Variants in CCDC170 observed in about 807,000 individuals in gnomAD.
CCDC170 encodes the protein coiled-coil domain-containing protein 170.
Under a neutral mutation model 72.6 loss-of-function variants are expected in CCDC170, and 69 were observed. The observed-to-expected ratio is 0.95, with a 90% CI of 0.78 to 1.16. The LOEUF is 1.16. Ranked by LOEUF, CCDC170 falls within the 50% of genes most tolerant of loss-of-function variation. The pLI is 0.00. For synonymous variants in CCDC170, 300 were observed against 303.9 expected, an observed-to-expected ratio of 0.99 and a Z score of 0.13; for missense variants, 852 against 832.5, an observed-to-expected ratio of 1.02 and a Z score of -0.29.
Position 151,496,691 on chromosome 6 carries a change from G to C in CCDC170, c.57+2506G>C, listed in dbSNP as rs547006256. On this transcript the variant is annotated intron_variant, in intron 1 of 10. Transcript: ENST00000239374. Reference sequence around the variant, plus strand: ...AGCAGTGATAGTCTGCAACTTTCTGGAAAAGTAAAATACTGTAGAGACTGA... The same window carrying C: ...AGCAGTGATAGTCTGCAACTTTCTGCAAAAGTAAAATACTGTAGAGACTGA... 5.3e-5 allele frequency among the ~76,000 whole-genome samples: 8 copies of C among 152,244 alleles called. No homozygotes were observed. In the Middle Eastern group the frequency reaches 0.01, roughly 194 times the overall value.
intron 9 of CCDC170, among the ~76,000 whole-genome samples, chr6:151,602,735 C>A (rs4432988): frequency 0.43 from 65,366 of 151,926 alleles, 16,590 homozygotes; most frequent in Non-Finnish European, 0.58. Context: ...GTCTCCCCGG[C>A]GATGCAGAAC....
At chr6:151,603,360 C>T (rs1776738948) in intron 9 of CCDC170, among the ~76,000 whole-genome samples, 1 of 152,072 alleles carries the variant, frequency 6.6e-6, no homozygotes, top group Non-Finnish European at 1.5e-5. Flanking sequence ...TTATTTGTAC[C>T]TATGCCATGA....
intron 1 of CCDC170, among the ~76,000 whole-genome samples, chr6:151,524,939 T>TC (rs1471253495): frequency 1.6e-4 from 23 of 147,378 alleles, no homozygotes; most frequent in Non-Finnish European, 3.3e-4. Context: ...CTTTTTTTTT[T>TC]TTTTTTTTTT....
Position 151,539,521 on chromosome 6 carries a change from C to G in CCDC170, c.443+1220C>G, listed in dbSNP as rs569184073. ...CTAATCTTACCTTGCTAGCTAGTGT[C>G]TTTCACTGTTTCTCCTCATCTCTTT... On this transcript the variant is annotated intron_variant, in intron 3 of 10. Coordinates refer to ENST00000239374, the MANE Select transcript of CCDC170 (RefSeq NM_025059.4). 5.6e-4 allele frequency among the ~76,000 whole-genome samples: 85 copies of G among 152,308 alleles called. 1 individual carries two copies. The highest frequency in any genetic ancestry group is 6.8e-3 in the Middle Eastern group (2 of 294).
chr6:151,599,028 A>T (rs1193980247), intron 9 of CCDC170, among the ~76,000 whole-genome samples: 1 of 152,212 alleles, frequency 6.6e-6, no homozygotes, highest in East Asian at 1.9e-4. Context: ...AAGAAGCTAG[A>T]AAAGAAAAGT....
chr6:151,596,825 C>A (rs1160747957), intron 9 of CCDC170, among the ~76,000 whole-genome samples: 1 of 152,026 alleles, frequency 6.6e-6, no homozygotes, highest in Non-Finnish European at 1.5e-5. Flanking sequence ...GGTGATGTTT[C>A]CTTTTTTAAA....
At chr6:151,553,129 G>C (rs1782912135) in intron 5 of CCDC170, among the ~76,000 whole-genome samples, 1 of 152,090 alleles carries the variant, frequency 6.6e-6, no homozygotes, top group Admixed American at 6.5e-5. Context: ...TAAGACTGGT[G>C]AATGGTGCTT....
intron 1 of CCDC170, among the ~76,000 whole-genome samples, chr6:151,512,854 A>G (rs1782168574): frequency 6.6e-6 from 1 of 152,254 alleles, no homozygotes; most frequent in Non-Finnish European, 1.5e-5. Context: ...TGTGATAAAT[A>G]TTATAATACA....
At chr6:151,570,404 A>G (rs911379328) in intron 5 of CCDC170, among the ~76,000 whole-genome samples, 2 of 152,230 alleles carry the variant, frequency 1.3e-5, no homozygotes, top group Non-Finnish European at 2.9e-5. Flanking sequence ...CCAACTATAG[A>G]TAAAAAAATA....
chr6:151,581,490 C>G (rs575156710), intron 6 of CCDC170, among the ~76,000 whole-genome samples: 1 of 152,312 alleles, frequency 6.6e-6, no homozygotes, highest in Admixed American at 6.5e-5. Context: ...AGTTCTCTTG[C>G]TATTTCCACC....
chr6:151,507,228 A>T (rs1454923182), intron 1 of CCDC170, among the ~76,000 whole-genome samples: 2 of 152,144 alleles, frequency 1.3e-5, no homozygotes, highest in African/African-American at 4.8e-5. Flanking sequence ...GTAGAGAGAC[A>T]GGGCTGACCA....
intron 1 of CCDC170, among the ~76,000 whole-genome samples, chr6:151,518,415 C>T (rs117888598): frequency 6.6e-6 from 1 of 152,252 alleles, no homozygotes; most frequent in East Asian, 1.9e-4. Context: ...AAAAAGCATA[C>T]ATTTGTTACC....
intron 3 of CCDC170, among the ~76,000 whole-genome samples, chr6:151,542,831 A>G (rs575200370): frequency 6.6e-6 from 1 of 152,336 alleles, no homozygotes; most frequent in Non-Finnish European, 1.5e-5. Flanking sequence ...ATGTATATCA[A>G]TCAGCACCAT....
At chr6:151,522,942 C>T (rs1342718054) in intron 1 of CCDC170, among the ~76,000 whole-genome samples, 1 of 152,150 alleles carries the variant, frequency 6.6e-6, no homozygotes, top group African/African-American at 2.4e-5. Flanking sequence ...AATAAGCTTG[C>T]TTTTACCTTA....
At chr6:151,525,968 G>C (rs1782399708) in intron 1 of CCDC170, among the ~76,000 whole-genome samples, 2 of 152,068 alleles carry the variant, frequency 1.3e-5, no homozygotes. Context: ...TCCTGCAGTA[G>C]CTGGGACATT....
chr6:151,598,274 C>G (rs184507289), intron 9 of CCDC170, among the ~76,000 whole-genome samples: 7 of 152,304 alleles, frequency 4.6e-5, no homozygotes, highest in Admixed American at 4.6e-4. Context: ...ATCAGCTGCT[C>G]TAATCCTGGC....
chr6:151,600,512 A>G (rs1776690344), intron 9 of CCDC170, among the ~76,000 whole-genome samples: 1 of 151,952 alleles, frequency 6.6e-6, no homozygotes, highest in African/African-American at 2.4e-5. Flanking sequence ...GTTAGGGCCC[A>G]TCCTAATTCA....
intron 4 of CCDC170, among the ~76,000 whole-genome samples, chr6:151,546,688 C>G (rs1020464000): frequency 6.6e-6 from 1 of 152,180 alleles, no homozygotes; most frequent in Non-Finnish European, 1.5e-5. Context: ...ATAGCCAACC[C>G]TAAGTCTGCT....
intron 1 of CCDC170, among the ~76,000 whole-genome samples, chr6:151,503,904 G>A (rs1251907574): frequency 6.6e-6 from 1 of 152,142 alleles, no homozygotes; most frequent in East Asian, 1.9e-4. Context: ...ATGGAACCTT[G>A]TGCCAGAAGA....
Sources: gnomAD v4.1 joint callset for allele counts (sites outside exome capture counted in the v4.1 genomes callset) on GRCh38, gnomAD v4.1.1 for gene constraint, MANE v1.5 for transcripts, NCBI Gene and HGNC (gene_info 2026-07-23, HGNC 2026-07-21) for gene names.